HECTD4: variants seen among roughly 807,000 people sequenced by gnomAD.
The protein encoded by HECTD4 is HECT domain E3 ubiquitin protein ligase 4.
In HECTD4, 114 loss-of-function variants were observed where a neutral mutation model predicts 471.5. That is an observed-to-expected ratio of 0.24 (90% CI 0.21 to 0.28). HECTD4 has a LOEUF of 0.28. Ranked by LOEUF, HECTD4 falls within the 10% of genes least tolerant of loss-of-function variation. The pLI, the probability that HECTD4 is intolerant of heterozygous loss-of-function variation, is 1.00. For missense variants in HECTD4, 3,866 were observed against 5,651.5 expected, an observed-to-expected ratio of 0.68 and a Z score of 10.13; for synonymous variants, 2,012 against 2,256.0, an observed-to-expected ratio of 0.89 and a Z score of 3.07.
chr12:112,249,056 G>C (rs549893963), intron 25 of HECTD4, among the ~76,000 whole-genome samples: 2 of 152,258 alleles, frequency 1.3e-5, no homozygotes, highest in East Asian at 3.9e-4. Flanking sequence ...ACTGACATTG[G>C]CTGATAAAGC....
intron 60 of HECTD4, among the ~76,000 whole-genome samples, chr12:112,186,172 A>T (rs1344819567): frequency 6.6e-6 from 1 of 151,666 alleles, no homozygotes; most frequent in East Asian, 1.9e-4. Context: ...TTGCAGAGAC[A>T]GTTTTCATGG....
rs187836755 is a variant in HECTD4 at position 112,191,538 on chromosome 12, T to C, written c.9293-573A>G. ...GCTTGATCCCCCTCACATCCTGCACTGCCCCTGAAGCCCCTCTATAAACAC... is the reference window on the plus strand; with the variant it reads ...GCTTGATCCCCCTCACATCCTGCACCGCCCCTGAAGCCCCTCTATAAACAC... On this transcript the variant is annotated intron_variant, in intron 59 of 75. Transcript: ENST00000682272. Among the ~76,000 whole-genome samples the C allele has an allele frequency of 3.9e-5, 6 of 152,298 alleles. No individual in the cohort carries two copies. The East Asian group carries it at 1.2e-3, about 29-fold the overall frequency.
intron 7 of HECTD4, among the ~76,000 whole-genome samples, chr12:112,300,003 G>A (rs1366728688): frequency 6.6e-6 from 1 of 152,124 alleles, no homozygotes; most frequent in Non-Finnish European, 1.5e-5. Flanking sequence ...AGGAGGCAGG[G>A]GACACTGAAC....
At chr12:112,362,712 T>TC (rs1172150890) in intron 1 of HECTD4, among the ~76,000 whole-genome samples, 4 of 152,110 alleles carry the variant, frequency 2.6e-5, no homozygotes, top group Non-Finnish European at 5.9e-5. Context: ...TAAAATTTTT[T>TC]TTTTTTTTTG....
chr12:112,366,494 G>T (rs2036561699), intron 1 of HECTD4, among the ~76,000 whole-genome samples: 1 of 151,874 alleles, frequency 6.6e-6, no homozygotes, highest in South Asian at 2.1e-4. Context: ...TACTCAGCCT[G>T]GACAACAAAG....
At chr12:112,187,199 G>A (rs565685109) in intron 60 of HECTD4, among the ~76,000 whole-genome samples, 2 of 151,420 alleles carry the variant, frequency 1.3e-5, no homozygotes, top group Non-Finnish European at 2.9e-5. Flanking sequence ...GGCTGGTCTC[G>A]AACTCCCGAC....
chr12:112,252,003 C>T (rs1341936928), intron 23 of HECTD4, among the ~76,000 whole-genome samples: 1 of 152,152 alleles, frequency 6.6e-6, no homozygotes, highest in African/African-American at 2.4e-5. Context: ...AACTCCTGAC[C>T]TCAGCTGATT....
intron 66 of HECTD4, among the ~76,000 whole-genome samples, chr12:112,175,403 C>G (rs2031400573): frequency 6.6e-6 from 1 of 152,184 alleles, no homozygotes; most frequent in African/African-American, 2.4e-5. Flanking sequence ...CCAGGAGAAA[C>G]CAGCACTGCT....
At chr12:112,272,084 T>A (rs994983762) in intron 11 of HECTD4, among the ~76,000 whole-genome samples, 3 of 152,268 alleles carry the variant, frequency 2.0e-5, no homozygotes. Context: ...AAAGTTAAGT[T>A]GTTGCCCAGG....
chr12:112,328,312 C>A (rs11066260), intron 1 of HECTD4, among the ~76,000 whole-genome samples: 23,658 of 151,606 alleles, frequency 0.16, 2,481 homozygotes, highest in African/African-American at 0.3. Context: ...CTAATTTAAA[C>A]ATTTTTTAGA....
At chr12:112,365,800 C>T (rs1444100914) in intron 1 of HECTD4, among the ~76,000 whole-genome samples, 2 of 122,356 alleles carry the variant, frequency 1.6e-5, no homozygotes, top group Non-Finnish European at 3.2e-5. Context: ...GAGACAGGGT[C>T]TCCCTGTGTT....
chr12:112,214,970 A>T (rs1265970920), intron 48 of HECTD4, among the ~76,000 whole-genome samples: 2 of 152,184 alleles, frequency 1.3e-5, no homozygotes, highest in African/African-American at 2.4e-5. Flanking sequence ...CCTGGCCAGC[A>T]TGGTGAAACC....
intron 22 of HECTD4, 22 bp downstream of exon 22, chr12:112,254,021 C>T (rs2033953611): frequency 1.2e-6 from 2 of 1,611,364 alleles, no homozygotes; most frequent in Non-Finnish European, 8.5e-7. Flanking sequence ...TTCTAGGAAG[C>T]GATTATGACT....
chr12:112,231,459 T>G, intron 39 of HECTD4, 54 bp downstream of exon 39: 1 of 1,541,028 alleles, frequency 6.5e-7, no homozygotes, highest in Non-Finnish European at 9.0e-7. Flanking sequence ...AACAAACCCA[T>G]TATAAAGTAA....
At chr12:112,247,416 G>C in intron 28 of HECTD4, 46 bp downstream of exon 28, 2 of 887,740 alleles carry the variant, frequency 2.3e-6, no homozygotes, top group Non-Finnish European at 3.4e-6. Flanking sequence ...AGTGTGTTTT[G>C]AGCATCAAGG....
intron 13 of HECTD4, chr12:112,267,276 A>G: frequency 3.0e-6 from 1 of 330,806 alleles, no homozygotes; most frequent in Non-Finnish European, 5.5e-6. Context: ...GTATACGAGT[A>G]GCTGCGCTCC....
intron 44 of HECTD4, among the ~76,000 whole-genome samples, chr12:112,223,855 T>G (rs191460239): frequency 6.6e-6 from 1 of 152,338 alleles, no homozygotes; most frequent in East Asian, 1.9e-4. Flanking sequence ...ATGGCCAAGT[T>G]TGCCACTTAA....
intron 2 of HECTD4, among the ~76,000 whole-genome samples, chr12:112,318,531 G>A (rs1042357160): frequency 2.0e-5 from 3 of 151,966 alleles, no homozygotes; most frequent in African/African-American, 7.3e-5. Context: ...CCACCACAAC[G>A]CCCGGCTAAT....
rs561669533 is a variant in HECTD4 at position 112,199,765 on chromosome 12, A to G, written c.8567+873T>C. Among the ~76,000 whole-genome samples the G allele has an allele frequency of 3.9e-5, 6 of 152,284 alleles. No individual in the cohort carries two copies. In the East Asian group the frequency reaches 1.2e-3, roughly 29 times the overall value. On this transcript the variant is annotated intron_variant, in intron 55 of 75. Transcript: ENST00000682272. Reference sequence around the variant, plus strand: ...TAGGCACATAGAAAGCACTCAAGCAATACCTGATTGGCTTCACAGCGAAAG... The same window carrying G: ...TAGGCACATAGAAAGCACTCAAGCAGTACCTGATTGGCTTCACAGCGAAAG...
Sources: allele counts gnomAD v4.1 joint callset (sites outside exome capture counted in the v4.1 genomes callset), GRCh38; gene constraint gnomAD v4.1.1; transcripts MANE v1.5; gene names NCBI Gene and HGNC (gene_info 2026-07-23, HGNC 2026-07-21).